ERBB4: variants seen among roughly 807,000 people sequenced by gnomAD.
ERBB4 encodes the protein erb-b2 receptor tyrosine kinase 4.
ERBB4 carries 42 observed loss-of-function variants against 158.0 expected under a neutral mutation model. The ratio of observed to expected loss-of-function variants is 0.27; its 90% confidence interval spans 0.21 to 0.34. The LOEUF is 0.34. Among genes scored for constraint, ERBB4 ranks in the 10% least tolerant of loss-of-function variants. The pLI is 1.00. For missense variants in ERBB4, 1,333 were observed against 1,624.1 expected (o/e 0.82, Z 3.08); for synonymous variants, 583 against 558.7 (o/e 1.04, Z -0.61).
intron 25 of ERBB4, among the ~76,000 whole-genome samples, chr2:211,418,919 C>T (rs2063453808): frequency 1.3e-5 from 2 of 152,134 alleles, no homozygotes; most frequent in South Asian, 4.2e-4. Flanking sequence ...ATAAAGTTTT[C>T]AGTTTGTACT....
chr2:211,830,438 T>C (rs2077194889), intron 3 of ERBB4, among the ~76,000 whole-genome samples: 1 of 152,202 alleles, frequency 6.6e-6, no homozygotes, highest in Non-Finnish European at 1.5e-5. Context: ...ATTCCCTTTT[T>C]ATTTCGTACC....
intron 4 of ERBB4, among the ~76,000 whole-genome samples, chr2:211,757,267 G>A (rs2106229248): frequency 6.6e-6 from 1 of 152,152 alleles, no homozygotes; most frequent in East Asian, 1.9e-4. Flanking sequence ...GTATAAAATG[G>A]AAACTTTAAC....
intron 1 of ERBB4, among the ~76,000 whole-genome samples, chr2:212,362,653 A>T (rs1044537286): frequency 8.6e-5 from 13 of 151,086 alleles, no homozygotes; most frequent in Non-Finnish European, 1.9e-4. Context: ...CAGAATATAA[A>T]ACTTCATTTT....
intron 1 of ERBB4, among the ~76,000 whole-genome samples, chr2:212,155,435 A>T (rs1404289788): frequency 2.6e-5 from 4 of 152,130 alleles, no homozygotes; most frequent in African/African-American, 9.6e-5. Flanking sequence ...ATTCTAGAAC[A>T]AGATTTATGA....
intron 1 of ERBB4, among the ~76,000 whole-genome samples, chr2:212,230,521 T>C (rs1420084497): frequency 1.3e-5 from 2 of 152,116 alleles, no homozygotes; most frequent in African/African-American, 4.8e-5. Flanking sequence ...ACAAACATCA[T>C]CAAGAATATT....
At chr2:211,863,204 A>G (rs2078112281) in intron 3 of ERBB4, among the ~76,000 whole-genome samples, 1 of 149,808 alleles carries the variant, frequency 6.7e-6, no homozygotes, top group Admixed American at 6.6e-5. Context: ...CGCACCAATC[A>G]GTGCTCTGTG....
chr2:212,399,037 G>T (rs558362688), intron 1 of ERBB4, among the ~76,000 whole-genome samples: 1 of 152,140 alleles, frequency 6.6e-6, no homozygotes, highest in African/African-American at 2.4e-5. Context: ...TCTGCCTCCT[G>T]GGTTCAAGCG....
chr2:211,870,072 T>G (rs2078305578), intron 3 of ERBB4, among the ~76,000 whole-genome samples: 1 of 152,170 alleles, frequency 6.6e-6, no homozygotes, highest in African/African-American at 2.4e-5. Context: ...AATTGTTTCC[T>G]TCTTCCTTTA....
intron 3 of ERBB4, among the ~76,000 whole-genome samples, chr2:211,865,995 C>G (rs1275100579): frequency 6.6e-6 from 1 of 152,152 alleles, no homozygotes; most frequent in Non-Finnish European, 1.5e-5. Context: ...CCGATAAAAA[C>G]TATCAGGAGA....
intron 5 of ERBB4, among the ~76,000 whole-genome samples, chr2:211,740,741 G>C (rs943558839): frequency 6.8e-6 from 1 of 147,770 alleles, no homozygotes; most frequent in Non-Finnish European, 1.5e-5. Flanking sequence ...TTCCCGAGTA[G>C]CTGGGACTAT....
chr2:211,495,991 T>C (rs1372185579), intron 20 of ERBB4, among the ~76,000 whole-genome samples: 7 of 152,064 alleles, frequency 4.6e-5, no homozygotes. Context: ...TTGATCCCTT[T>C]TAAGTTCTCA....
At chr2:211,831,172 T>C (rs1184272994) in intron 3 of ERBB4, among the ~76,000 whole-genome samples, 2 of 152,188 alleles carry the variant, frequency 1.3e-5, no homozygotes, top group East Asian at 3.9e-4. Context: ...TTCTAATGTT[T>C]CAGTTCTTGT....
intron 20 of ERBB4, among the ~76,000 whole-genome samples, chr2:211,502,379 C>G (rs1252322946): frequency 1.3e-5 from 2 of 152,140 alleles, no homozygotes; most frequent in African/African-American, 4.8e-5. Context: ...ATAACAGTTT[C>G]TGAATCTGTC....
chr2:211,522,888 TG>T lies in ERBB4; in HGVS notation c.2487+39014del, dbSNP rs766577121. Among the ~76,000 whole-genome samples the T allele has an allele frequency of 7.3e-4, 111 of 152,188 alleles. 1 individual carries two copies. Among genetic ancestry groups the T allele is most frequent in the Non-Finnish European group, 5.6e-4 (38 of 68,022 alleles). On this transcript the variant is annotated intron_variant, in intron 20 of 27. Transcript: ENST00000342788. Reference sequence around the variant, plus strand: ...GTACTGGGAAACCAAAAAGTTTTCATGACTTGCTTTATTACAGCATTCACTT... The same window carrying T: ...GTACTGGGAAACCAAAAAGTTTTCATACTTGCTTTATTACAGCATTCACTT...
At chr2:212,391,276 T>C (rs1474712932) in intron 1 of ERBB4, among the ~76,000 whole-genome samples, 1 of 151,736 alleles carries the variant, frequency 6.6e-6, no homozygotes, top group Admixed American at 6.6e-5. Flanking sequence ...AATTCTCTGA[T>C]TGTCTATATG....
At chr2:211,771,332 A>G (rs1270220762) in intron 4 of ERBB4, among the ~76,000 whole-genome samples, 1 of 152,226 alleles carries the variant, frequency 6.6e-6, no homozygotes, top group Non-Finnish European at 1.5e-5. Context: ...AGCTATGGTC[A>G]TAAAGAAGAT....
chr2:211,999,502 T>C (rs573491153), intron 2 of ERBB4, among the ~76,000 whole-genome samples: 1 of 151,988 alleles, frequency 6.6e-6, no homozygotes, highest in East Asian at 1.9e-4. Context: ...CTATGTTTAA[T>C]TTCAGTTAGC....
At chr2:211,896,696 T>A (rs1009094834) in intron 3 of ERBB4, among the ~76,000 whole-genome samples, 3 of 152,132 alleles carry the variant, frequency 2.0e-5, no homozygotes, top group Admixed American at 1.3e-4. Context: ...ACAAATCATA[T>A]CACTTTCTGA....
chr2:212,391,706 A>AC (rs2090870213), intron 1 of ERBB4, among the ~76,000 whole-genome samples: 2 of 91,370 alleles, frequency 2.2e-5, no homozygotes, highest in Non-Finnish European at 4.8e-5. Context: ...TATATATTAT[A>AC]TATATTGACA....
Sources: gnomAD v4.1 joint callset for allele counts (sites outside exome capture counted in the v4.1 genomes callset) on GRCh38, gnomAD v4.1.1 for gene constraint, MANE v1.5 for transcripts, NCBI Gene and HGNC (gene_info 2026-07-23, HGNC 2026-07-21) for gene names.